Variants in SIPA1L1 observed in about 807,000 individuals in gnomAD.
The protein encoded by SIPA1L1 is signal induced proliferation associated 1 like 1, also known as signal-induced proliferation-associated 1-like protein 1.
SIPA1L1 carries 26 observed loss-of-function variants against 162.7 expected under a neutral mutation model. That is an observed-to-expected ratio of 0.16 (90% CI 0.12 to 0.22). SIPA1L1 has a LOEUF of 0.22. SIPA1L1 is among the 10% of genes least tolerant of loss of function. SIPA1L1 has a pLI of 1.00. For missense variants in SIPA1L1, 1,874 were observed against 2,241.0 expected (o/e 0.84, Z 3.31); for synonymous variants, 829 against 837.4 (o/e 0.99, Z 0.17).
At chr14:71,371,555 T>TTTTTG (rs140220772) in intron 2 of SIPA1L1, among the ~76,000 whole-genome samples, 13 of 151,726 alleles carry the variant, frequency 8.6e-5, no homozygotes, top group East Asian at 3.9e-4. Context: ...GCCTGGCTAA[T>TTTTTG]TTTTGTTTTG....
chr14:71,708,966 G>A (rs1438806742), intron 16 of SIPA1L1, among the ~76,000 whole-genome samples: 2 of 150,876 alleles, frequency 1.3e-5, no homozygotes, highest in Non-Finnish European at 2.9e-5. Flanking sequence ...AATCTCAATA[G>A]TATTGATACT....
chr14:71,619,688 C>A (rs1031962116), intron 6 of SIPA1L1, among the ~76,000 whole-genome samples: 1 of 152,070 alleles, frequency 6.6e-6, no homozygotes, highest in Non-Finnish European at 1.5e-5. Context: ...TGCATTAATA[C>A]TTAATACCCT....
At chr14:71,650,584 G>T in intron 8 of SIPA1L1, 75 bp downstream of exon 8, 5 of 1,394,056 alleles carry the variant, frequency 3.6e-6, no homozygotes, top group Non-Finnish European at 5.0e-6. Context: ...TAAATTATCC[G>T]TAAAGCAACA....
At chr14:71,626,993 T>C (rs1233986871) in intron 7 of SIPA1L1, among the ~76,000 whole-genome samples, 1 of 151,982 alleles carries the variant, frequency 6.6e-6, no homozygotes, top group East Asian at 1.9e-4. Flanking sequence ...TTTATTTAAC[T>C]TGACAGTGAT....
intron 17 of SIPA1L1, among the ~76,000 whole-genome samples, chr14:71,719,530 C>T (rs1312725069): frequency 2.2e-4 from 33 of 152,056 alleles, no homozygotes; most frequent in Admixed American, 1.9e-3. Context: ...TCCTAGTAAC[C>T]GATGATGTTG....
At chr14:71,469,666 T>C (rs2047297404) in intron 2 of SIPA1L1, among the ~76,000 whole-genome samples, 1 of 152,166 alleles carries the variant, frequency 6.6e-6, no homozygotes, top group Non-Finnish European at 1.5e-5. Context: ...TACTACAGTG[T>C]GGGATTGGTC....
At chr14:71,691,710 G>A (rs1235944844) in intron 13 of SIPA1L1, among the ~76,000 whole-genome samples, 2 of 152,094 alleles carry the variant, frequency 1.3e-5, no homozygotes, top group Admixed American at 6.5e-5. Context: ...TCCCCTTGAT[G>A]CCTTTTTAGG....
At chr14:71,736,917 G>A (rs2085346768) in intron 22 of SIPA1L1, among the ~76,000 whole-genome samples, 1 of 152,238 alleles carries the variant, frequency 6.6e-6, no homozygotes, top group African/African-American at 2.4e-5. Context: ...CAGTGGCTTT[G>A]CGAAGGATAC....
intron 2 of SIPA1L1, among the ~76,000 whole-genome samples, chr14:71,360,205 T>A (rs1186504717): frequency 6.6e-6 from 1 of 152,266 alleles, no homozygotes; most frequent in Admixed American, 6.5e-5. Context: ...TCAGATAAGC[T>A]GATGGTAGTC....
intron 2 of SIPA1L1, among the ~76,000 whole-genome samples, chr14:71,504,327 G>A (rs921109655): frequency 4.6e-5 from 7 of 152,092 alleles, no homozygotes; most frequent in Non-Finnish European, 1.0e-4. Flanking sequence ...ATGAATAAAC[G>A]TTACTGAATC....
chr14:71,619,037 C>A lies in SIPA1L1; in HGVS notation c.1629+150C>A, dbSNP rs142427174. 20 of 767,754 alleles carry A rather than the reference C, an allele frequency of 2.6e-5. No individual in the cohort carries two copies. The South Asian group carries it at 3.9e-4, about 15-fold the overall frequency. The allele number at this position is 767,754 out of a possible 1,614,324, so 47.6% of individuals were successfully genotyped here. A position where few individuals can be genotyped will look rare whatever the true frequency, so the allele number is the denominator to read the frequency against. On this transcript the variant is annotated intron_variant, in intron 6 of 23. Coordinates refer to ENST00000381232, the MANE Select transcript of SIPA1L1 (RefSeq NM_001386936.1). ...CCCTTTCATTTATTCTGGTGGAGATCGAGGTGGACAAGATGGTTAGATCTG... is the reference window on the plus strand; with the variant it reads ...CCCTTTCATTTATTCTGGTGGAGATAGAGGTGGACAAGATGGTTAGATCTG...
chr14:71,642,376 G>A (rs773673330), intron 7 of SIPA1L1, among the ~76,000 whole-genome samples: 3 of 152,100 alleles, frequency 2.0e-5, no homozygotes, highest in Non-Finnish European at 2.9e-5. Context: ...GGAGAGAGCC[G>A]TAAACAGTCT....
At chr14:71,672,131 G>A (rs1386646083) in intron 11 of SIPA1L1, among the ~76,000 whole-genome samples, 1 of 152,154 alleles carries the variant, frequency 6.6e-6, no homozygotes, top group Non-Finnish European at 1.5e-5. Context: ...AGGTTTCCTT[G>A]TAACTTCAGG....
At chr14:71,685,234 G>A in intron 12 of SIPA1L1, 128 bp from the exon 13 acceptor site, 1 of 1,020,614 alleles carries the variant, frequency 9.8e-7, no homozygotes, top group Admixed American at 2.2e-5. Context: ...CCCAAAGATT[G>A]AAAGGTGGTT....
At chr14:71,404,306 G>A (rs905766644) in intron 2 of SIPA1L1, among the ~76,000 whole-genome samples, 1 of 152,166 alleles carries the variant, frequency 6.6e-6, no homozygotes, top group African/African-American at 2.4e-5. Flanking sequence ...TGTAATCCCA[G>A]CACTTTGTGG....
intron 2 of SIPA1L1, among the ~76,000 whole-genome samples, chr14:71,372,098 A>G (rs2038944166): frequency 6.6e-6 from 1 of 152,192 alleles, no homozygotes; most frequent in Non-Finnish European, 1.5e-5. Context: ...TGTCTCGTTC[A>G]TGGTTTTAAT....
chr14:71,556,720 A>G (rs2146434373), intron 4 of SIPA1L1, among the ~76,000 whole-genome samples: 1 of 152,318 alleles, frequency 6.6e-6, no homozygotes. Context: ...CTACATGTTC[A>G]CCTCTCCAGA....
At chr14:71,627,705 C>T (rs945483197) in intron 7 of SIPA1L1, among the ~76,000 whole-genome samples, 13 of 152,080 alleles carry the variant, frequency 8.5e-5, no homozygotes, top group Non-Finnish European at 1.2e-4. Context: ...ATCCTCACAG[C>T]AACCCTGTGC....
At chr14:71,396,541 C>A (rs1200718163) in intron 2 of SIPA1L1, among the ~76,000 whole-genome samples, 1 of 152,152 alleles carries the variant, frequency 6.6e-6, no homozygotes, top group Non-Finnish European at 1.5e-5. Flanking sequence ...GTCCGTTAAT[C>A]TTTAGAAACG....
Sources: gnomAD v4.1 joint callset for allele counts (sites outside exome capture counted in the v4.1 genomes callset) on GRCh38, gnomAD v4.1.1 for gene constraint, MANE v1.5 for transcripts, NCBI Gene and HGNC (gene_info 2026-07-23, HGNC 2026-07-21) for gene names.